Variants in DAAM1 observed in about 807,000 individuals in gnomAD.
The protein encoded by DAAM1 is dishevelled associated activator of morphogenesis 1.
A neutral mutation model predicts 130.0 loss-of-function variants in DAAM1; 52 were observed. That is an observed-to-expected ratio of 0.40 (90% CI 0.32 to 0.50). DAAM1 has a LOEUF of 0.50. Among genes scored for constraint, DAAM1 ranks in the 20% least tolerant of loss-of-function variants. The pLI is 0.61. For synonymous variants in DAAM1, 452 were observed against 444.5 expected (o/e 1.02, Z -0.21); for missense variants, 1,134 against 1,303.8 (o/e 0.87, Z 2.01).
At position 59,336,945 on chromosome 14, in the gene DAAM1, T is replaced by C. The variant is rs113937916; in HGVS notation, c.1969-3129T>C. On this transcript the variant is annotated intron_variant, in intron 15 of 24. Transcript: ENST00000360909. ...TAATTAACCACATTTTACAGACAGA[T>C]AGACTGAGCCCCAAGCCACACACCC... 1.6e-3 allele frequency among the ~76,000 whole-genome samples: 243 copies of C among 152,290 alleles called. 1 individual carries two copies. Among genetic ancestry groups the C allele is most frequent in the African/African-American group, 5.5e-3 (229 of 41,570 alleles).
intron 2 of DAAM1, among the ~76,000 whole-genome samples, chr14:59,289,939 C>T (rs186712554): frequency 5.7e-4 from 86 of 151,916 alleles, no homozygotes; most frequent in African/African-American, 1.4e-3. Context: ...TTTGAAGACA[C>T]GTGGACACAA....
chr14:59,324,381 T>C lies in DAAM1; in HGVS notation c.916T>C (p.Tyr306His). ...ESLDFRLHLR[Y>H]EFLMLGIQPV... ...TTTGGACTTTAGACTTCATCTTCGC[T>C]ATGAATTTCTGATGTTAGGAATTCA... Residue 306 changes from tyrosine (Y) to histidine (H), a missense_variant, in exon 8 of 25, where the codon TAT (tyrosine) becomes CAT (histidine). Physicochemically the swap from Tyr to His is moderately conservative, Grantham distance 83 (BLOSUM62 2). This residue lies in a region of DAAM1 where 391 missense variants were observed against 521.6 expected (regional missense o/e 0.75). Transcript: ENST00000360909. The C allele has an allele frequency of 6.3e-7, 1 of 1,594,196 alleles. No homozygotes were observed. Among genetic ancestry groups the C allele is most frequent in the South Asian group, 1.2e-5 (1 of 86,032 alleles).
At chr14:59,283,907 T>A (rs1317178730) in intron 2 of DAAM1, among the ~76,000 whole-genome samples, 1 of 152,160 alleles carries the variant, frequency 6.6e-6, no homozygotes, top group Non-Finnish European at 1.5e-5. Flanking sequence ...GTGGAACTAA[T>A]AAAGTTTTTT....
intron 1 of DAAM1, among the ~76,000 whole-genome samples, chr14:59,217,602 C>T (rs977703311): frequency 6.6e-6 from 1 of 151,828 alleles, no homozygotes. Flanking sequence ...TTTGGGAGGC[C>T]GAGGAAGGAG....
At chr14:59,264,030 T>A (rs1490910519) in intron 2 of DAAM1, 1 of 308,744 alleles carries the variant, frequency 3.2e-6, no homozygotes, top group African/African-American at 2.2e-5. Context: ...CCTATTGGGA[T>A]TCCCTAATGC....
At chr14:59,347,380 A>C (rs561660432) in intron 16 of DAAM1, among the ~76,000 whole-genome samples, 159 bp from the exon 17 acceptor site, 2 of 152,360 alleles carry the variant, frequency 1.3e-5, no homozygotes, top group East Asian at 3.9e-4. Flanking sequence ...GCAGTTTTAA[A>C]GTCCTATTTT....
chr14:59,227,825 TA>T (rs1309180408), intron 1 of DAAM1, among the ~76,000 whole-genome samples: 1 of 152,170 alleles, frequency 6.6e-6, no homozygotes, highest in Non-Finnish European at 1.5e-5. Flanking sequence ...AGAGCACCCA[TA>T]GGGGCACCCA....
At chr14:59,307,773 A>G (rs892247446) in intron 3 of DAAM1, among the ~76,000 whole-genome samples, 1 of 152,178 alleles carries the variant, frequency 6.6e-6, no homozygotes, top group Non-Finnish European at 1.5e-5. Flanking sequence ...GGAGATAGCA[A>G]AAGTCATCTG....
At chr14:59,278,719 A>AATGCTTGGCCTAAATAT in intron 2 of DAAM1, among the ~76,000 whole-genome samples, 1 of 152,184 alleles carries the variant, frequency 6.6e-6, no homozygotes, top group South Asian at 2.1e-4. Flanking sequence ...GCCTAAATGG[A>AATGCTTGGCCTAAATAT]ATACACACTA....
At chr14:59,349,941 G>A (rs962452840) in intron 17 of DAAM1, among the ~76,000 whole-genome samples, 4 of 152,166 alleles carry the variant, frequency 2.6e-5, no homozygotes, top group Non-Finnish European at 5.9e-5. Context: ...GAGCAAATTA[G>A]TGAAAGGATC....
At chr14:59,335,093 T>A (rs1442240203) in intron 15 of DAAM1, among the ~76,000 whole-genome samples, 2 of 152,218 alleles carry the variant, frequency 1.3e-5, no homozygotes, top group Non-Finnish European at 2.9e-5. Flanking sequence ...GCTTGGTGTG[T>A]ATTTAGTAAC....
intron 1 of DAAM1, among the ~76,000 whole-genome samples, chr14:59,260,979 G>A (rs888640235): frequency 6.6e-6 from 1 of 152,150 alleles, no homozygotes; most frequent in Admixed American, 6.5e-5. Context: ...AAGTAGGAAA[G>A]ACAGAAAAGT....
chr14:59,275,054 G>T (rs1213884686), intron 2 of DAAM1, among the ~76,000 whole-genome samples: 1 of 152,178 alleles, frequency 6.6e-6, no homozygotes, highest in Non-Finnish European at 1.5e-5. Context: ...ATCCTCTTGA[G>T]GGTGTGGGAG....
intron 1 of DAAM1, among the ~76,000 whole-genome samples, chr14:59,204,921 A>C (rs187300038): frequency 1.1e-4 from 16 of 152,334 alleles, no homozygotes; most frequent in African/African-American, 3.8e-4. Context: ...GGCAACTCAC[A>C]AATATGCTTC....
chr14:59,270,861 G>C (rs1253000), intron 2 of DAAM1, among the ~76,000 whole-genome samples: 149,775 of 152,246 alleles, frequency 0.98, 73,718 homozygotes, highest in East Asian at 1. Context: ...TGCAAAATGT[G>C]CAACTGCTTT....
In DAAM1 at chr14:59,313,146, T is replaced by C. The variant is rs552361559; in HGVS notation, c.274-2134T>C. Among the ~76,000 whole-genome samples the C allele has an allele frequency of 4.6e-5, 7 of 152,334 alleles. No homozygotes were observed. In the South Asian group the frequency reaches 1.5e-3, roughly 32 times the overall value. The stretch of plus-strand genomic sequence containing the variant: ...TATGTTTCTACAGAGCAACAAACTC[T>C]TAATGCCTCACAAAGGAGGAGGAGA... On this transcript the variant is annotated intron_variant, in intron 3 of 24. Coordinates refer to ENST00000360909, the MANE Select transcript of DAAM1 (RefSeq NM_001270520.2).
Position 59,359,521 on chromosome 14 carries a change from A to G in DAAM1, c.2633+17A>G. 6.3e-7 allele frequency: 1 copy of G among 1,586,584 alleles called. No individual in the cohort carries two copies. Among genetic ancestry groups the G allele is most frequent in the East Asian group, 2.2e-5 (1 of 44,622 alleles). On this transcript the variant is annotated intron_variant, in intron 21 of 24. Transcript: ENST00000360909. ...GAAAGTAAAGTAAGTACTTACAGTG[A>G]GTGTTAGTTTCTTAAATCACTTGGA... is the stretch of plus-strand genomic sequence containing the variant.
rs398025271 is a variant in DAAM1 at position 59,370,144 on chromosome 14, C to CTTTTTTTTTTTTTTTTTTT, written c.*1293_*1311dup. 11 of 95,374 alleles carry CTTTTTTTTTTTTTTTTTTT rather than the reference C, an allele frequency of 1.2e-4. No homozygotes were observed. Among genetic ancestry groups the CTTTTTTTTTTTTTTTTTTT allele is most frequent in the Admixed American group, 2.5e-4 (2 of 7,942 alleles). The allele number at this position is 95,374 out of a possible 1,614,324, so 5.9% of individuals were successfully genotyped here. A position where few individuals can be genotyped will look rare whatever the true frequency, so the allele number is the denominator to read the frequency against. On this transcript the variant is annotated 3_prime_UTR_variant, in exon 25 of 25. Coordinates refer to ENST00000360909, the MANE Select transcript of DAAM1 (RefSeq NM_001270520.2). ...TATAAAGAGGACTGTTACTTTTTTA[C>CTTTTTTTTTTTTTTTTTTT]TTTTTTTTTTTTTTTTTTTTTTTTT...
At chr14:59,324,560 A>G in intron 8 of DAAM1, 106 bp downstream of exon 8, 1 of 553,342 alleles carries the variant, frequency 1.8e-6, no homozygotes, top group Non-Finnish European at 2.9e-6. Context: ...TGTCTGTAAC[A>G]TAAAGAGCTT....
Sources: gnomAD v4.1 joint callset for allele counts (sites outside exome capture counted in the v4.1 genomes callset) on GRCh38, gnomAD v4.1.1 for gene constraint, gnomAD v4.1.1 regional missense constraint, MANE v1.5 for transcripts, NCBI Gene and HGNC (gene_info 2026-07-23, HGNC 2026-07-21) for gene names.